Variants in PRDM5 observed in about 807,000 individuals in gnomAD.
The protein encoded by PRDM5 is PR/SET domain 5, also known as PR domain zinc finger protein 5.
Under a neutral mutation model 81.2 loss-of-function variants are expected in PRDM5, and 56 were observed. The observed-to-expected ratio is 0.69, with a 90% CI of 0.56 to 0.86. The LOEUF is 0.86. Among genes scored for constraint, PRDM5 ranks in the 40% least tolerant of loss-of-function variants. The probability of loss-of-function intolerance (pLI) is 0.00; values close to 1 mark genes in which losing one functional copy is unlikely to be tolerated. For missense variants in PRDM5, 697 were observed against 770.1 expected (o/e 0.91, Z 1.12); for synonymous variants, 267 against 256.4 (o/e 1.04, Z -0.39).
At chr4:120,796,405 T>C (rs530433277) in intron 10 of PRDM5, among the ~76,000 whole-genome samples, 2 of 152,234 alleles carry the variant, frequency 1.3e-5, no homozygotes, top group Admixed American at 1.3e-4. Flanking sequence ...TACTTTTATA[T>C]GATTTATGGC....
chr4:120,868,336 C>T (rs976601141), intron 2 of PRDM5, among the ~76,000 whole-genome samples: 1 of 152,144 alleles, frequency 6.6e-6, no homozygotes, highest in Non-Finnish European at 1.5e-5. Flanking sequence ...AGCACATTCA[C>T]ATTTCTGCAA....
At position 120,694,945 on chromosome 4, in the gene PRDM5, C is replaced by T. The variant is rs2148984188; in HGVS notation, c.*166G>A. 1.4e-6 allele frequency: 1 copy of T among 740,110 alleles called. No individual in the cohort carries two copies. The highest frequency in any genetic ancestry group is 1.8e-5 in the African/African-American group (1 of 56,316). The allele number at this position is 740,110 out of a possible 1,614,324, so 45.8% of individuals were successfully genotyped here. A position where few individuals can be genotyped will look rare whatever the true frequency, so the allele number is the denominator to read the frequency against. Reference sequence around the variant, plus strand: ...ATACCATTTCTTGTTAAAAGTAAGACTTTTTTTTGGTTGCATATGCATCTA... The same window carrying T: ...ATACCATTTCTTGTTAAAAGTAAGATTTTTTTTTGGTTGCATATGCATCTA... On this transcript the variant is annotated 3_prime_UTR_variant, in exon 16 of 16. Transcript: ENST00000264808.
rs77868700 is a variant in PRDM5 at position 120,851,267 on chromosome 4, C to T, written c.300+2151G>A. Among the ~76,000 whole-genome samples the T allele has an allele frequency of 1.6e-3, 238 of 152,070 alleles. 4 individuals are homozygous for T. In the East Asian group the frequency reaches 0.039, roughly 25 times the overall value. On this transcript the variant is annotated intron_variant, in intron 3 of 15. Transcript: ENST00000264808. The stretch of plus-strand genomic sequence containing the variant: ...CTCCACAATCACAATGATGGAGAAC[C>T]TACCAAAACAATGGGTTGGCTTAAG...
intron 14 of PRDM5, among the ~76,000 whole-genome samples, chr4:120,723,825 ACTGT>A (rs1738993990): frequency 6.6e-6 from 1 of 151,974 alleles, no homozygotes; most frequent in Admixed American, 6.6e-5. Flanking sequence ...TTCTGATGTA[ACTGT>A]CTTTTTCTCT....
chr4:120,881,469 T>C (rs1475502764), intron 2 of PRDM5, among the ~76,000 whole-genome samples: 2 of 152,194 alleles, frequency 1.3e-5, no homozygotes, highest in Non-Finnish European at 2.9e-5. Context: ...AAAAACTAAA[T>C]GCAAATATTT....
chr4:120,800,684 G>C (rs979903690), intron 8 of PRDM5, among the ~76,000 whole-genome samples: 2 of 152,104 alleles, frequency 1.3e-5, no homozygotes, highest in Admixed American at 1.3e-4. Flanking sequence ...CTGGATTTTT[G>C]CTAAGTGAGT....
intron 2 of PRDM5, among the ~76,000 whole-genome samples, chr4:120,879,990 A>T (rs1254982131): frequency 1.3e-5 from 2 of 152,186 alleles, no homozygotes; most frequent in African/African-American, 4.8e-5. Context: ...TGAACAACGC[A>T]AAGAGTGAAT....
chr4:120,732,934 C>T (rs1176323110), intron 14 of PRDM5, among the ~76,000 whole-genome samples: 1 of 152,138 alleles, frequency 6.6e-6, no homozygotes, highest in African/African-American at 2.4e-5. Flanking sequence ...CAAAATAGGT[C>T]ACAAATAATG....
At chr4:120,841,627 T>C (rs1758041090) in intron 3 of PRDM5, among the ~76,000 whole-genome samples, 1 of 152,250 alleles carries the variant, frequency 6.6e-6, no homozygotes. Flanking sequence ...TTTATGTTCA[T>C]ACACCAAAAA....
At chr4:120,858,020 T>C (rs951478179) in intron 2 of PRDM5, among the ~76,000 whole-genome samples, 1 of 152,204 alleles carries the variant, frequency 6.6e-6, no homozygotes, top group Non-Finnish European at 1.5e-5. Flanking sequence ...TAAAATTTGA[T>C]TTAATGTATG....
At chr4:120,812,481 G>A (rs1041580639) in intron 7 of PRDM5, 3 of 170,272 alleles carry the variant, frequency 1.8e-5, no homozygotes, top group Admixed American at 6.5e-5. Context: ...AGGGTGAGAT[G>A]ATATCTCACT....
intron 3 of PRDM5, among the ~76,000 whole-genome samples, chr4:120,831,147 T>C (rs968591040): frequency 6.6e-6 from 1 of 152,076 alleles, no homozygotes; most frequent in Non-Finnish European, 1.5e-5. Flanking sequence ...TTGAATCAGA[T>C]AGTGCTGTGG....
intron 5 of PRDM5, among the ~76,000 whole-genome samples, chr4:120,817,282 A>G (rs928415340): frequency 2.0e-5 from 3 of 152,208 alleles, no homozygotes; most frequent in Non-Finnish European, 2.9e-5. Context: ...AGTTTTAAGC[A>G]CAATTTTCAT....
intron 15 of PRDM5, among the ~76,000 whole-genome samples, chr4:120,707,652 A>G (rs1578426738): frequency 6.6e-6 from 1 of 152,004 alleles, no homozygotes; most frequent in South Asian, 2.1e-4. Context: ...CACCAAAAAC[A>G]TGATCAAATA....
At chr4:120,708,135 A>G (rs1192755214) in intron 15 of PRDM5, among the ~76,000 whole-genome samples, 1 of 152,160 alleles carries the variant, frequency 6.6e-6, no homozygotes, top group African/African-American at 2.4e-5. Flanking sequence ...TGCCTCAGCA[A>G]TTCAATGCTA....
downstream of PRDM5, among the ~76,000 whole-genome samples, chr4:120,687,731 A>G (rs1003476397): frequency 1.3e-5 from 2 of 152,314 alleles, no homozygotes; most frequent in Non-Finnish European, 1.5e-5. Flanking sequence ...TGATTAGGTC[A>G]TGAGCGCTCT....
chr4:120,915,282 C>G (rs550419922), intron 1 of PRDM5, among the ~76,000 whole-genome samples: 4 of 152,246 alleles, frequency 2.6e-5, no homozygotes, highest in East Asian at 3.9e-4. Context: ...GGCCAGTGCC[C>G]TACTCCATCC....
chr4:120,918,346 A>G (rs2148716562), intron 1 of PRDM5, among the ~76,000 whole-genome samples: 1 of 152,292 alleles, frequency 6.6e-6, no homozygotes, highest in South Asian at 2.1e-4. Context: ...ATCGGCCACC[A>G]GGAAATGTAA....
In PRDM5 at chr4:120,742,963, A is replaced by C. The variant is rs1742314589; in HGVS notation, c.1623+11590T>G. 2.0e-5 allele frequency among the ~76,000 whole-genome samples: 3 copies of C among 151,988 alleles called. 1 individual carries two copies. The highest frequency in any genetic ancestry group is 4.4e-5 in the Non-Finnish European group (3 of 68,026). On this transcript the variant is annotated intron_variant, in intron 14 of 15. Coordinates refer to ENST00000264808, the MANE Select transcript of PRDM5 (RefSeq NM_018699.4). ...GATACTCCTCGAGAAGAGCAACTCC[A>C]AGACACATAATTGTCAGATTCACCA...
Sources: allele counts gnomAD v4.1 joint callset (sites outside exome capture counted in the v4.1 genomes callset), GRCh38; gene constraint gnomAD v4.1.1; transcripts MANE v1.5; gene names NCBI Gene and HGNC (gene_info 2026-07-23, HGNC 2026-07-21).